Variants in CAMSAP1 observed in about 807,000 individuals in gnomAD.
CAMSAP1 encodes calmodulin-regulated spectrin-associated protein 1.
CAMSAP1 carries 58 observed loss-of-function variants against 143.5 expected under a neutral mutation model. That is an observed-to-expected ratio of 0.40 (90% CI 0.33 to 0.50). CAMSAP1 has a LOEUF of 0.50. CAMSAP1 is among the 20% of genes least tolerant of loss of function. CAMSAP1 has a pLI of 0.45. For missense variants in CAMSAP1, 1,969 were observed against 2,115.7 expected, an observed-to-expected ratio of 0.93 and a Z score of 1.36; for synonymous variants, 945 against 859.3, an observed-to-expected ratio of 1.10 and a Z score of -1.74.
intron 16 of CAMSAP1, among the ~76,000 whole-genome samples, chr9:135,814,409 A>G (rs888286219): frequency 7.9e-5 from 12 of 152,194 alleles, no homozygotes; most frequent in African/African-American, 2.9e-4. Flanking sequence ...AAGGCCAGCA[A>G]CTTAAGGCCA....
In CAMSAP1 at chr9:135,821,961, C is replaced by T; in HGVS notation, c.2700G>A (p.Glu900=). Residue 900 remains glutamate, a synonymous_variant, in exon 11 of 17, where the codon GAG becomes GAA. Transcript: ENST00000389532. The surrounding 1 kb of genome is among the most constrained non-coding windows in gnomAD (Gnocchi z 4.6). The part of the protein sequence containing the change: ...RAIEAQKKKM[E]ALSARQRLKL... ...TCAGGCGCTGCCTTGCCGACAGCGC[C>T]TCCATCTTCTTCTTCTGGGCCTCGA... 6.2e-7 allele frequency: 1 copy of T among 1,612,646 alleles called. No individual in the cohort carries two copies. The highest frequency in any genetic ancestry group is 1.1e-5 in the South Asian group (1 of 91,000).
In CAMSAP1 at chr9:135,827,389, G is replaced by A; in HGVS notation, c.1223+18C>T. 1 of 1,475,868 alleles carries A rather than the reference G, an allele frequency of 6.8e-7. No homozygotes were observed. The highest frequency in any genetic ancestry group is 9.1e-7 in the Non-Finnish European group (1 of 1,101,142). 91.4% of individuals were successfully genotyped at this position (1,475,868 alleles called of 1,614,324 possible). A position where few individuals can be genotyped will look rare whatever the true frequency, so the allele number is the denominator to read the frequency against. ...ACAAGATGGTGAACTGATTCTGAAA[G>A]CAGAAAGACAGACTTACAGGTATTC... On this transcript the variant is annotated intron_variant, in intron 8 of 16. Transcript: ENST00000389532.
chr9:135,845,312 C>A (rs1411909048), intron 7 of CAMSAP1, among the ~76,000 whole-genome samples: 1 of 152,170 alleles, frequency 6.6e-6, no homozygotes, highest in Non-Finnish European at 1.5e-5. Context: ...CGATAAAATT[C>A]AACACCCCTT....
In CAMSAP1 at chr9:135,881,580, G is replaced by A. The variant is rs562902569; in HGVS notation, c.585+53C>T. ...AAGGTGTGCTGCTCTCAAGTGAAAA[G>A]GAGACCGGCCACAGAAGCAGAGTCA... On this transcript the variant is annotated intron_variant, in intron 3 of 16. Coordinates refer to ENST00000389532, the MANE Select transcript of CAMSAP1 (RefSeq NM_015447.4). 1.9e-6 allele frequency: 3 copies of A among 1,543,442 alleles called. No homozygotes were observed. In the East Asian group the frequency reaches 7.3e-5, roughly 38 times the overall value.
chr9:135,836,132 C>A, intron 7 of CAMSAP1: 1 of 985,434 alleles, frequency 1.0e-6, no homozygotes, highest in Non-Finnish European at 1.2e-6. Context: ...GACTTCCTGC[C>A]CAAAAGCACC....
At chr9:135,856,134 A>G (rs754650091) in intron 5 of CAMSAP1, among the ~76,000 whole-genome samples, 5 of 152,204 alleles carry the variant, frequency 3.3e-5, no homozygotes, top group Non-Finnish European at 5.9e-5. Flanking sequence ...GTCTCTGCCT[A>G]TATTAGTCCA....
intron 3 of CAMSAP1, among the ~76,000 whole-genome samples, chr9:135,868,527 T>A (rs1189035269): frequency 1.3e-5 from 2 of 151,874 alleles, no homozygotes; most frequent in Non-Finnish European, 2.9e-5. Flanking sequence ...TCAGAAAAAA[T>A]TTAAATTTTG....
In CAMSAP1 at chr9:135,823,125, G is replaced by C. The variant is rs751276765; in HGVS notation, c.1536C>G (p.Thr512=). ...CCGTGGGGTGTGGCTGGTTCTGTGG[G>C]GTCAGATTAACAATGTTGGATGCCA... is the stretch of plus-strand genomic sequence containing the variant. ...DSLASNIVNL[T]PQNQPHPTAT... The change falls in exon 11 of 17, where the codon ACC becomes ACG. Residue 512 remains threonine, a synonymous_variant. Coordinates refer to ENST00000389532, the MANE Select transcript of CAMSAP1 (RefSeq NM_015447.4). 15 of 1,613,786 alleles carry C rather than the reference G, an allele frequency of 9.3e-6. No homozygotes were observed. Among genetic ancestry groups the C allele is most frequent in the Admixed American group, 5.0e-5 (3 of 59,994 alleles).
rs557418772 is a variant in CAMSAP1 at position 135,823,375 on chromosome 9, G to C, written c.1401-115C>G. On this transcript the variant is annotated intron_variant, in intron 10 of 16. Coordinates refer to ENST00000389532, the MANE Select transcript of CAMSAP1 (RefSeq NM_015447.4). ...AAGAGAATACGCCTCTCATATGCAG[G>C]AGATTTAAACTCACTCTTCCACAGA... The C allele has an allele frequency of 2.4e-5, 28 of 1,180,654 alleles. 1 individual carries two copies. In the South Asian group the frequency reaches 4.8e-4, roughly 20 times the overall value. The allele number at this position is 1,180,654 out of a possible 1,614,324, so 73.1% of individuals were successfully genotyped here.
At chr9:135,845,937 C>A (rs903033734) in intron 7 of CAMSAP1, among the ~76,000 whole-genome samples, 2 of 152,092 alleles carry the variant, frequency 1.3e-5, no homozygotes, top group Non-Finnish European at 2.9e-5. Context: ...AATGGCCATA[C>A]TTCCCAAAGT....
In CAMSAP1 at chr9:135,841,571, G is replaced by A. The variant is rs146084476; in HGVS notation, c.1045+8566C>T. Among the ~76,000 whole-genome samples, 22 of 152,334 alleles carry A rather than the reference G, an allele frequency of 1.4e-4. No individual in the cohort carries two copies. In the East Asian group the frequency reaches 3.1e-3, roughly 21 times the overall value. On this transcript the variant is annotated intron_variant, in intron 7 of 16. Transcript: ENST00000389532. ...CTGACTGGGTGTTTACCTCCCAGCAGGGGTCAACAGACACCTCATACAGGA... is the reference window on the plus strand; with the variant it reads ...CTGACTGGGTGTTTACCTCCCAGCAAGGGTCAACAGACACCTCATACAGGA...
At chr9:135,874,015 T>C (rs1347076343) in intron 3 of CAMSAP1, among the ~76,000 whole-genome samples, 1 of 152,114 alleles carries the variant, frequency 6.6e-6, no homozygotes, top group Non-Finnish European at 1.5e-5. Context: ...AAATAAATAA[T>C]AAACACAACC....
chr9:135,894,496 G>A (rs1838389079), intron 1 of CAMSAP1, among the ~76,000 whole-genome samples: 1 of 152,224 alleles, frequency 6.6e-6, no homozygotes, highest in Non-Finnish European at 1.5e-5. Flanking sequence ...AGACTCCCAT[G>A]TCCATCCAGA....
At chr9:135,897,916 G>A (rs1838506241) in intron 1 of CAMSAP1, among the ~76,000 whole-genome samples, 2 of 152,096 alleles carry the variant, frequency 1.3e-5, no homozygotes, top group Non-Finnish European at 2.9e-5. Context: ...AATGAACTAA[G>A]ACAATGAGTC....
At chr9:135,893,247 G>A (rs555951097) in intron 1 of CAMSAP1, among the ~76,000 whole-genome samples, 2 of 148,664 alleles carry the variant, frequency 1.3e-5, no homozygotes, top group Admixed American at 1.3e-4. Flanking sequence ...GAAGAGAGAC[G>A]AGAAGGAGAG....
At chr9:135,843,873 CAAAAA>C (rs150201026) in intron 7 of CAMSAP1, among the ~76,000 whole-genome samples, 64 of 63,940 alleles carry the variant, frequency 1.0e-3, no homozygotes, top group South Asian at 2.3e-3. Context: ...GACTCCGTCT[CAAAAA>C]AAAAAAAAAA....
chr9:135,866,019 C>T (rs1278432317), intron 4 of CAMSAP1, among the ~76,000 whole-genome samples: 2 of 152,182 alleles, frequency 1.3e-5, no homozygotes, highest in Admixed American at 6.5e-5. Context: ...TCAGTAGGCA[C>T]GTAGGGTTCA....
intron 5 of CAMSAP1, among the ~76,000 whole-genome samples, chr9:135,857,430 T>C (rs1207691600): frequency 6.6e-6 from 1 of 152,170 alleles, no homozygotes; most frequent in Non-Finnish European, 1.5e-5. Flanking sequence ...CTCTTTAGAA[T>C]TTGCCAGAGA....
rs1273635241 is a variant in CAMSAP1, at chr9:135,809,078, T to C, written c.*2231A>G. The C allele has an allele frequency of 6.6e-6, 1 of 152,162 alleles. No homozygotes were observed. The highest frequency in any genetic ancestry group is 1.5e-5 in the Non-Finnish European group (1 of 68,034). The allele number at this position is 152,162 out of a possible 1,614,324, so 9.4% of individuals were successfully genotyped here. A position where few individuals can be genotyped will look rare whatever the true frequency, so the allele number is the denominator to read the frequency against. ...TGATAAACAGAGTTATAAGTCAGTG[T>C]TATCAACTGCAAAATCATGACTTTA... On this transcript the variant is annotated 3_prime_UTR_variant, in exon 17 of 17. Coordinates refer to ENST00000389532, the MANE Select transcript of CAMSAP1 (RefSeq NM_015447.4).
Sources: allele counts gnomAD v4.1 joint callset (sites outside exome capture counted in the v4.1 genomes callset), GRCh38; gene constraint gnomAD v4.1.1; non-coding constraint Gnocchi (gnomAD v3.1); transcripts MANE v1.5; gene names NCBI Gene and HGNC (gene_info 2026-07-23, HGNC 2026-07-21).